Variants in CDC42EP4 observed in about 807,000 individuals in gnomAD.
CDC42EP4 encodes CDC42 effector protein (Rho GTPase binding) 4.
CDC42EP4 carries 6 observed loss-of-function variants against 5.6 expected under a neutral mutation model. The ratio of observed to expected loss-of-function variants is 1.07; its 90% CI spans 0.59 to 2.12. The LOEUF (loss-of-function observed/expected upper bound fraction) is 2.12, where lower values mean the gene tolerates loss of function less well. Ranked by LOEUF, CDC42EP4 falls within the 30% of genes most tolerant of loss-of-function variation. The probability of loss-of-function intolerance (pLI) is 0.00; values close to 1 mark genes in which losing one functional copy is unlikely to be tolerated. For missense variants in CDC42EP4, 490 were observed against 508.6 expected (o/e 0.96, Z 0.35); for synonymous variants, 230 against 224.2 (o/e 1.03, Z -0.23).
intron 1 of CDC42EP4, among the ~76,000 whole-genome samples, chr17:73,291,944 T>C (rs1190411076): frequency 1.3e-5 from 2 of 152,150 alleles, no homozygotes; most frequent in African/African-American, 2.4e-5. Flanking sequence ...AAGACCACCC[T>C]TGCCTGGACC....
Position 73,284,208 on chromosome 17 carries a change from C to G in CDC42EP4, c.*1222G>C, listed in dbSNP as rs1156667221. The G allele has an allele frequency of 6.6e-6, 1 of 152,124 alleles. No homozygotes were observed. Among genetic ancestry groups the G allele is most frequent in the Non-Finnish European group, 1.5e-5 (1 of 68,036 alleles). 9.4% of individuals were successfully genotyped at this position (152,124 alleles called of 1,614,324 possible). Reference sequence around the variant, plus strand: ...GCACTCTGTTTTGGTTTTGCTAAATCTGGCCAACCCTGGCCTCAAAAGTCG... The same window carrying G: ...GCACTCTGTTTTGGTTTTGCTAAATGTGGCCAACCCTGGCCTCAAAAGTCG... On this transcript the variant is annotated 3_prime_UTR_variant, in exon 2 of 2. Coordinates refer to ENST00000335793, the MANE Select transcript of CDC42EP4 (RefSeq NM_012121.5).
At chr17:73,287,992 G>A (rs781131166) in intron 1 of CDC42EP4, among the ~76,000 whole-genome samples, 1 of 151,982 alleles carries the variant, frequency 6.6e-6, no homozygotes, top group Non-Finnish European at 1.5e-5. Flanking sequence ...TCCCCACCTC[G>A]CTCCTCAGTG....
At chr17:73,307,593 G>A (rs2062250654) in intron 1 of CDC42EP4, among the ~76,000 whole-genome samples, 1 of 151,470 alleles carries the variant, frequency 6.6e-6, no homozygotes, top group African/African-American at 2.4e-5. Context: ...GACTACAGGC[G>A]CCCACCACCA....
In CDC42EP4 at chr17:73,285,928, AG is replaced by A. The variant is rs1171084759; in HGVS notation, c.572del (p.Pro191LeufsTer10). ...GCCCGTACGTGGCCTTGGGCACGACAGGCAGATCTGTCAGATCCCCAAAGGC... is the reference window on the plus strand; with the variant it reads ...GCCCGTACGTGGCCTTGGGCACGACAGCAGATCTGTCAGATCCCCAAAGGC... Reference protein sequence around the residue: ...EQAFGDLTDLPVVPKATYGLK... With the variant: ...EQAFGDLTDLXVVPKATYGLK... On this transcript the variant is annotated frameshift_variant, in exon 2 of 2. Coordinates refer to ENST00000335793, the MANE Select transcript of CDC42EP4 (RefSeq NM_012121.5). LOFTEE classifies it low-confidence loss of function (END_TRUNC). The surrounding 1 kb of genome is among the most constrained non-coding windows in gnomAD (Gnocchi z 6.8). 1 of 1,613,932 alleles carries A rather than the reference AG, an allele frequency of 6.2e-7. No individual in the cohort carries two copies. Among genetic ancestry groups the A allele is most frequent in the Non-Finnish European group, 8.5e-7 (1 of 1,180,030 alleles).
In CDC42EP4 at chr17:73,286,119, C is replaced by T. The variant is rs536349562; in HGVS notation, c.382G>A (p.Ala128Thr). Reference sequence around the variant, plus strand: ...GGCAGCTTACTGGTGCCCTTCTCCGCGGCCTCCTTCTCATTGAGCTGGGGC... The same window carrying T: ...GGCAGCTTACTGGTGCCCTTCTCCGTGGCCTCCTTCTCATTGAGCTGGGGC... Reference protein sequence around the residue: ...SLPQLNEKEAAEKGTSKLPKS... With the variant: ...SLPQLNEKEATEKGTSKLPKS... Residue 128 changes from alanine to threonine, a missense_variant, in exon 2 of 2, where the codon GCG becomes ACG. Ala to Thr is a moderately conservative substitution (Grantham distance 58). Coordinates refer to ENST00000335793, the MANE Select transcript of CDC42EP4 (RefSeq NM_012121.5). The surrounding 1 kb of genome is among the most constrained non-coding windows in gnomAD (Gnocchi z 7.7). 59 of 1,614,024 alleles carry T rather than the reference C, an allele frequency of 3.7e-5. 1 individual carries two copies. Among genetic ancestry groups the T allele is most frequent in the South Asian group, 3.5e-4 (32 of 91,086 alleles).
At chr17:73,300,837 A>C (rs2062215504) in intron 1 of CDC42EP4, among the ~76,000 whole-genome samples, 1 of 152,140 alleles carries the variant, frequency 6.6e-6, no homozygotes, top group Non-Finnish European at 1.5e-5. Flanking sequence ...ACCTGAGGTC[A>C]GGTGTTCGAA....
chr17:73,286,119 C>A lies in CDC42EP4; in HGVS notation c.382G>T (p.Ala128Ser), dbSNP rs536349562. Residue 128 changes from alanine (A) to serine (S), a missense_variant, in exon 2 of 2, where the codon GCG (alanine) becomes TCG (serine). By Grantham distance (99) the Ala-to-Ser change is moderately conservative (BLOSUM62 1). Coordinates refer to ENST00000335793, the MANE Select transcript of CDC42EP4 (RefSeq NM_012121.5). The surrounding 1 kb of genome is among the most constrained non-coding windows in gnomAD (Gnocchi z 7.7). ...GGCAGCTTACTGGTGCCCTTCTCCGCGGCCTCCTTCTCATTGAGCTGGGGC... is the reference window on the plus strand; with the variant it reads ...GGCAGCTTACTGGTGCCCTTCTCCGAGGCCTCCTTCTCATTGAGCTGGGGC... Reference protein sequence around the residue: ...SLPQLNEKEAAEKGTSKLPKS... With the variant: ...SLPQLNEKEASEKGTSKLPKS... 1.2e-6 allele frequency: 2 copies of A among 1,613,906 alleles called. No homozygotes were observed. Among genetic ancestry groups the A allele is most frequent in the East Asian group, 2.2e-5 (1 of 44,880 alleles).
Position 73,290,361 on chromosome 17 carries a change from C to A in CDC42EP4, c.-112-3749G>T, listed in dbSNP as rs529474038. ...ACTGAGTGCTCCTCCCCACTGCTGGCCGGCAGGGTACAGAGAAGGGGGTAC... is the reference window on the plus strand; with the variant it reads ...ACTGAGTGCTCCTCCCCACTGCTGGACGGCAGGGTACAGAGAAGGGGGTAC... On this transcript the variant is annotated intron_variant, in intron 1 of 1. Transcript: ENST00000335793. 2.0e-5 allele frequency among the ~76,000 whole-genome samples: 3 copies of A among 152,280 alleles called. No individual in the cohort carries two copies. The East Asian group carries it at 5.8e-4, about 29-fold the overall frequency.
chr17:73,290,845 T>G (rs1383564222), intron 1 of CDC42EP4, among the ~76,000 whole-genome samples: 3 of 152,104 alleles, frequency 2.0e-5, no homozygotes, highest in African/African-American at 7.2e-5. Context: ...TTCCCGATCT[T>G]ATACGCTCAT....
At chr17:73,307,482 C>G (rs1460464251) in intron 1 of CDC42EP4, among the ~76,000 whole-genome samples, 3 of 143,476 alleles carry the variant, frequency 2.1e-5, no homozygotes, top group Admixed American at 1.4e-4. Context: ...GAGTCTCGCT[C>G]TGTCACCCAG....
chr17:73,302,344 C>T (rs75637440), intron 1 of CDC42EP4, among the ~76,000 whole-genome samples: 5,532 of 152,218 alleles, frequency 0.036, 248 homozygotes, highest in African/African-American at 0.094. Flanking sequence ...TGAATAATAC[C>T]ACTGACATGA....
chr17:73,290,617 C>G (rs566706257), intron 1 of CDC42EP4, among the ~76,000 whole-genome samples: 1 of 152,254 alleles, frequency 6.6e-6, no homozygotes, highest in Non-Finnish European at 1.5e-5. Flanking sequence ...GCAAAACTGC[C>G]CCAGTTGAGA....
intron 1 of CDC42EP4, among the ~76,000 whole-genome samples, chr17:73,290,838 C>T (rs113374878): frequency 6.6e-6 from 1 of 152,152 alleles, no homozygotes; most frequent in Non-Finnish European, 1.5e-5. Flanking sequence ...CTGTGGTTTC[C>T]CGATCTTATA....
In CDC42EP4 at chr17:73,286,473, T is replaced by G. The variant is rs1347750967; in HGVS notation, c.28A>C (p.Ser10Arg). ...GAACGGCGCTTGGAGTGCACCGAGCTGGACACCAGTTGCTTGAGGATTGGC... is the reference window on the plus strand; with the variant it reads ...GAACGGCGCTTGGAGTGCACCGAGCGGGACACCAGTTGCTTGAGGATTGGC... MPILKQLVS[S>R]SVHSKRRSRA... The change falls in exon 2 of 2, where the codon AGC becomes CGC. Residue 10 changes from serine (S) to arginine (R), a missense_variant. Ser to Arg is a moderately radical substitution (Grantham distance 110). Transcript: ENST00000335793. This position sits in a 1 kb window ranked among gnomAD's most constrained non-coding sequence, Gnocchi z 7.7. 6.3e-7 allele frequency: 1 copy of G among 1,599,578 alleles called. No homozygotes were observed. Among genetic ancestry groups the G allele is most frequent in the South Asian group, 1.1e-5 (1 of 89,984 alleles).
intron 1 of CDC42EP4, among the ~76,000 whole-genome samples, chr17:73,299,996 T>G (rs2062210123): frequency 6.6e-6 from 1 of 151,890 alleles, no homozygotes; most frequent in Non-Finnish European, 1.5e-5. Context: ...TAGTCAGGAG[T>G]AGATCAGCAC....
rs368604656 is a variant in CDC42EP4 at position 73,300,641 on chromosome 17, C to A, written c.-113+11252G>T. 1.1e-4 allele frequency among the ~76,000 whole-genome samples: 16 copies of A among 152,218 alleles called. No homozygotes were observed. In the East Asian group the frequency reaches 2.5e-3, roughly 24 times the overall value. ...AGTTACTTAATGGGTACAATGTACA[C>A]GATTGGGTGATGGTTACACTACAAG... On this transcript the variant is annotated intron_variant, in intron 1 of 1. Coordinates refer to ENST00000335793, the MANE Select transcript of CDC42EP4 (RefSeq NM_012121.5).
chr17:73,299,361 C>T (rs1427012232), intron 1 of CDC42EP4, among the ~76,000 whole-genome samples: 4 of 134,542 alleles, frequency 3.0e-5, no homozygotes, highest in African/African-American at 5.7e-5. Context: ...ACCCGGGAGG[C>T]GGAGCTTGCA....
At chr17:73,306,590 G>A (rs2062245145) in intron 1 of CDC42EP4, 1 of 152,194 alleles carries the variant, frequency 6.6e-6, no homozygotes. Context: ...ATTCTCCTTA[G>A]AGGTAACCAC....
At chr17:73,290,260 T>G in intron 1 of CDC42EP4, among the ~76,000 whole-genome samples, 1 of 152,154 alleles carries the variant, frequency 6.6e-6, no homozygotes, top group East Asian at 1.9e-4. Flanking sequence ...GGTCTTTGAG[T>G]CCAGAGCTCT....
Sources: allele counts gnomAD v4.1 joint callset (sites outside exome capture counted in the v4.1 genomes callset), GRCh38; gene constraint gnomAD v4.1.1; non-coding constraint Gnocchi (gnomAD v3.1); transcripts MANE v1.5; gene names NCBI Gene and HGNC (gene_info 2026-07-23, HGNC 2026-07-21).